The following MED12L variants were observed in gnomAD, a reference collection of about 807,000 sequenced individuals.
MED12L encodes the protein mediator complex subunit 12L.
A neutral mutation model predicts 281.3 loss-of-function variants in MED12L; 60 were observed. The observed-to-expected ratio is 0.21, with a 90% confidence interval of 0.17 to 0.26. The LOEUF is 0.26. Ranked by LOEUF, MED12L falls within the 10% of genes least tolerant of loss-of-function variation. MED12L has a pLI of 1.00. For synonymous variants in MED12L, 974 were observed against 987.2 expected (o/e 0.99, Z 0.25); for missense variants, 2,146 against 2,680.9 (o/e 0.80, Z 4.41).
At chr3:151,211,874 G>A (rs1727226638) in intron 16 of MED12L, among the ~76,000 whole-genome samples, 1 of 152,152 alleles carries the variant, frequency 6.6e-6, no homozygotes, top group Non-Finnish European at 1.5e-5. Flanking sequence ...TTGAACTCCT[G>A]GACTTCAGTG....
intron 19 of MED12L, 90 bp from the exon 20 acceptor site, chr3:151,357,123 G>A (rs1754031476): frequency 1.9e-6 from 2 of 1,071,564 alleles, no homozygotes. Context: ...GTAGTGTAAT[G>A]ACTCAGTATA....
At chr3:151,125,331 C>T (rs1714344101) in intron 4 of MED12L, among the ~76,000 whole-genome samples, 1 of 152,104 alleles carries the variant, frequency 6.6e-6, no homozygotes, top group Non-Finnish European at 1.5e-5. Flanking sequence ...TTGCATCAGC[C>T]AGTTCTCATG....
intron 16 of MED12L, chr3:151,337,521 C>A: frequency 3.2e-6 from 1 of 310,632 alleles, no homozygotes; most frequent in Non-Finnish European, 6.0e-6. Context: ...TATATGATTA[C>A]TCATTTTGGC....
intron 16 of MED12L, among the ~76,000 whole-genome samples, chr3:151,209,105 GTCT>G (rs1726780209): frequency 6.6e-6 from 1 of 152,148 alleles, no homozygotes; most frequent in East Asian, 1.9e-4. Context: ...GTAACAAGTA[GTCT>G]TATAAGTTTT....
chr3:151,154,546 TA>T (rs1330202537), intron 5 of MED12L, among the ~76,000 whole-genome samples: 2 of 152,140 alleles, frequency 1.3e-5, no homozygotes, highest in African/African-American at 2.4e-5. Flanking sequence ...CTAGACAAAA[TA>T]GGGGTGTATG....
At chr3:151,220,689 C>T (rs898152972) in intron 16 of MED12L, among the ~76,000 whole-genome samples, 18 of 152,196 alleles carry the variant, frequency 1.2e-4, no homozygotes, top group African/African-American at 4.3e-4. Flanking sequence ...TGAGACATGC[C>T]TGTCACCTTC....
At chr3:151,340,540 C>G (rs1478135328) in intron 16 of MED12L, 1 of 152,536 alleles carries the variant, frequency 6.6e-6, no homozygotes, top group African/African-American at 2.4e-5. Flanking sequence ...AAAATGTACA[C>G]ACATATCAGA....
rs531812518 is a variant in MED12L at position 151,433,614 on chromosome 3, C to T, written c.*810C>T. ...AGGCCTGAAAGAACTGCAGTGGAAT[C>T]GTCCAACTATTTATTGCCAGTTTTG... On this transcript the variant is annotated 3_prime_UTR_variant, in exon 45 of 45. Coordinates refer to ENST00000687756, the MANE Select transcript of MED12L (RefSeq NM_001393769.1). 51 of 152,468 alleles carry T rather than the reference C, an allele frequency of 3.3e-4. No individual in the cohort carries two copies. The highest frequency in any genetic ancestry group is 1.2e-3 in the African/African-American group (49 of 41,564). 9.4% of individuals were successfully genotyped at this position (152,468 alleles called of 1,614,324 possible).
intron 16 of MED12L, among the ~76,000 whole-genome samples, chr3:151,323,226 G>A (rs1232351795): frequency 1.3e-5 from 2 of 152,174 alleles, no homozygotes; most frequent in Non-Finnish European, 2.9e-5. Context: ...CATGTCAGAT[G>A]TTTTCCCCAT....
chr3:151,370,092 A>G (rs946894905), intron 26 of MED12L, among the ~76,000 whole-genome samples: 2 of 152,196 alleles, frequency 1.3e-5, no homozygotes, highest in Non-Finnish European at 2.9e-5. Context: ...AAGTTTCACA[A>G]TAATTTTTTT....
chr3:151,372,846 T>A, intron 27 of MED12L, 80 bp downstream of exon 27: 1 of 1,055,766 alleles, frequency 9.5e-7, no homozygotes, highest in South Asian at 1.6e-5. Flanking sequence ...ATAGGAAACT[T>A]GTGCATAGGT....
intron 16 of MED12L, among the ~76,000 whole-genome samples, chr3:151,264,822 G>A (rs182156990): frequency 6.6e-6 from 1 of 152,116 alleles, no homozygotes. Flanking sequence ...TCCAGAGTTT[G>A]GTCATGGCCT....
intron 43 of MED12L, among the ~76,000 whole-genome samples, chr3:151,423,221 G>A (rs944914006): frequency 7.3e-5 from 11 of 151,332 alleles, no homozygotes; most frequent in African/African-American, 2.7e-4. Context: ...TGGGGTACAT[G>A]TGCAGAATGG....
intron 16 of MED12L, among the ~76,000 whole-genome samples, chr3:151,282,141 A>C (rs770352733): frequency 2.6e-5 from 4 of 152,170 alleles, no homozygotes; most frequent in Non-Finnish European, 4.4e-5. Context: ...ATAGTGAGTA[A>C]GACACTAGCG....
rs116025559 is a variant in MED12L at position 151,131,634 on chromosome 3, A to G, written c.556+3650A>G. Among the ~76,000 whole-genome samples, 675 of 152,280 alleles carry G rather than the reference A, an allele frequency of 4.4e-3. 4 individuals carry two copies. Among genetic ancestry groups the G allele is most frequent in the Non-Finnish European group, 6.6e-3 (451 of 68,022 alleles). On this transcript the variant is annotated intron_variant, in intron 5 of 44. Coordinates refer to ENST00000687756, the MANE Select transcript of MED12L (RefSeq NM_001393769.1). ...AAAAAACAAACAAACAAACAAAAAC[A>G]AAAAACAGTTTGATAGATCTTGATA...
chr3:151,100,928 A>G (rs1379469136), intron 2 of MED12L, among the ~76,000 whole-genome samples: 1 of 152,226 alleles, frequency 6.6e-6, no homozygotes, highest in East Asian at 1.9e-4. Flanking sequence ...GTGCTTCTCA[A>G]AATAACTGTG....
chr3:151,185,545 T>C, intron 12 of MED12L, 84 bp downstream of exon 12: 2 of 1,416,364 alleles, frequency 1.4e-6, no homozygotes, highest in Non-Finnish European at 9.5e-7. Context: ...TTACCCTCAT[T>C]ATGTTATTCT....
Position 151,242,236 on chromosome 3 carries a change from A to G in MED12L, c.2250+48570A>G, listed in dbSNP as rs184764825. 9.3e-3 allele frequency among the ~76,000 whole-genome samples: 1,419 copies of G among 152,316 alleles called. 18 individuals carry two copies. Among genetic ancestry groups the G allele is most frequent in the African/African-American group, 0.032 (1,320 of 41,568 alleles). On this transcript the variant is annotated intron_variant, in intron 16 of 44. Transcript: ENST00000687756. ...TTGCCCAGGCTTGATTAGGTAAACA[A>G]AGCAGCCGGGAAGCTCAAACTGGGC...
chr3:151,424,814 G>T (rs937203859), intron 43 of MED12L, among the ~76,000 whole-genome samples: 7 of 152,130 alleles, frequency 4.6e-5, no homozygotes, highest in Non-Finnish European at 8.8e-5. Context: ...TGTTCCTTCC[G>T]CTGCCGCTTG....
Sources: gnomAD v4.1 joint callset for allele counts (sites outside exome capture counted in the v4.1 genomes callset) on GRCh38, gnomAD v4.1.1 for gene constraint, MANE v1.5 for transcripts, NCBI Gene and HGNC (gene_info 2026-07-23, HGNC 2026-07-21) for gene names.